The following CCSER1 variants were observed in gnomAD, a reference collection of about 807,000 sequenced individuals.
The protein encoded by CCSER1 is coiled-coil serine rich protein 1.
CCSER1 carries 41 observed loss-of-function variants against 82.0 expected under a neutral mutation model. The observed-to-expected ratio is 0.50, with a 90% CI of 0.39 to 0.65. The LOEUF (loss-of-function observed/expected upper bound fraction) is 0.65, where lower values mean the gene tolerates loss of function less well. CCSER1 is among the 30% of genes least tolerant of loss of function. The pLI is 0.00. For missense variants in CCSER1, 1,119 were observed against 1,064.2 expected, an observed-to-expected ratio of 1.05 and a Z score of -0.72; for synonymous variants, 414 against 383.9, an observed-to-expected ratio of 1.08 and a Z score of -0.92.
chr4:91,019,495 A>G (rs1174067138), intron 9 of CCSER1, among the ~76,000 whole-genome samples: 1 of 152,174 alleles, frequency 6.6e-6, no homozygotes, highest in African/African-American at 2.4e-5. Flanking sequence ...GAGCATAGTA[A>G]ACAACATTAT....
chr4:91,102,186 C>G (rs1361522636), intron 10 of CCSER1, among the ~76,000 whole-genome samples: 1 of 152,046 alleles, frequency 6.6e-6, no homozygotes, highest in East Asian at 1.9e-4. Context: ...TTGAACAAAG[C>G]TAGGTATGTT....
intron 3 of CCSER1, among the ~76,000 whole-genome samples, chr4:90,322,086 T>C (rs1737242137): frequency 6.6e-6 from 1 of 152,114 alleles, no homozygotes; most frequent in African/African-American, 2.4e-5. Context: ...GTTTCCCTAA[T>C]GTTTTCTTCC....
chr4:90,436,482 CA>C (rs1469273926), intron 4 of CCSER1, among the ~76,000 whole-genome samples: 1 of 152,104 alleles, frequency 6.6e-6, no homozygotes, highest in Non-Finnish European at 1.5e-5. Context: ...GCTTGTATTT[CA>C]AACCTCAAAG....
intron 5 of CCSER1, among the ~76,000 whole-genome samples, chr4:90,585,909 A>G (rs986167714): frequency 6.6e-6 from 1 of 152,210 alleles, no homozygotes; most frequent in African/African-American, 2.4e-5. Flanking sequence ...TCGCATTTGT[A>G]TCTCATAGTA....
intron 1 of CCSER1, among the ~76,000 whole-genome samples, chr4:90,282,090 T>C (rs1313478912): frequency 6.6e-6 from 1 of 152,022 alleles, no homozygotes; most frequent in Non-Finnish European, 1.5e-5. Context: ...ATGTCTGCAA[T>C]TTTGGAGAAC....
chr4:90,533,121 T>A (rs1774819020), intron 5 of CCSER1, among the ~76,000 whole-genome samples: 1 of 130,102 alleles, frequency 7.7e-6, no homozygotes, highest in South Asian at 2.7e-4. Context: ...AGACGGAGTC[T>A]CCCTCTGTCG....
chr4:90,241,650 A>AT (rs571615416), intron 1 of CCSER1, among the ~76,000 whole-genome samples: 42 of 151,360 alleles, frequency 2.8e-4, no homozygotes, highest in Middle Eastern at 3.4e-3. Context: ...TTAGGGTGTT[A>AT]TTTTTTTTTC....
chr4:91,234,722 T>G lies in CCSER1; in HGVS notation c.2217+148728T>G, dbSNP rs144878189. Among the ~76,000 whole-genome samples the G allele has an allele frequency of 6.8e-4, 103 of 152,274 alleles. 3 individuals are homozygous for G. The East Asian group carries it at 0.018, about 27-fold the overall frequency. On this transcript the variant is annotated intron_variant, in intron 10 of 10. Transcript: ENST00000509176. ...TCACTTTGAGTAAATCTAATCTTTC[T>G]TCTACTATTCTTTCTTCAAATTTGT...
chr4:91,188,520 C>G (rs764889475), intron 10 of CCSER1, among the ~76,000 whole-genome samples: 2 of 152,170 alleles, frequency 1.3e-5, no homozygotes, highest in Non-Finnish European at 2.9e-5. Flanking sequence ...TACACATTTT[C>G]AGGAATAGCT....
rs12507399 is a variant in CCSER1 at position 91,359,698 on chromosome 4, G to A, written c.2218-238874G>A. 6.4e-3 allele frequency among the ~76,000 whole-genome samples: 971 copies of A among 151,598 alleles called. 16 individuals carry two copies. The highest frequency in any genetic ancestry group is 0.023 in the African/African-American group (932 of 41,392). On this transcript the variant is annotated intron_variant, in intron 10 of 10. Coordinates refer to ENST00000509176, the MANE Select transcript of CCSER1 (RefSeq NM_001145065.2). ...TTGAAAAAGGGCTAAGCAATCTTGC[G>A]TTGCTGTAGTGAAACAAAGGCAAAC...
intron 1 of CCSER1, among the ~76,000 whole-genome samples, chr4:90,194,241 T>C (rs1256099063): frequency 1.3e-5 from 2 of 152,088 alleles, no homozygotes; most frequent in African/African-American, 4.8e-5. Flanking sequence ...ACATAAGCCT[T>C]GATTTTTTAT....
intron 10 of CCSER1, among the ~76,000 whole-genome samples, chr4:91,392,363 G>GCACA (rs142343973): frequency 0.011 from 1,575 of 148,196 alleles, 21 homozygotes; most frequent in African/African-American, 0.037. Context: ...ACCTACACAT[G>GCACA]CACACACACA....
intron 9 of CCSER1, among the ~76,000 whole-genome samples, chr4:91,081,350 T>G (rs568465764): frequency 6.6e-6 from 1 of 151,808 alleles, no homozygotes; most frequent in African/African-American, 2.4e-5. Context: ...CTTCGATGAA[T>G]AAAATTCAAC....
At chr4:90,369,225 G>A (rs9307084) in intron 3 of CCSER1, among the ~76,000 whole-genome samples, 27,497 of 106,854 alleles carry the variant, frequency 0.26, 4,095 homozygotes, top group African/African-American at 0.34. Context: ...GAAAGAAAGG[G>A]GGAGGAAAAG....
intron 5 of CCSER1, among the ~76,000 whole-genome samples, chr4:90,565,872 T>A (rs2153650719): frequency 6.6e-6 from 1 of 151,912 alleles, no homozygotes; most frequent in African/African-American, 2.4e-5. Context: ...TGATTTTTTT[T>A]TTTTTTTTGA....
At chr4:91,466,117 A>G (rs974993753) in intron 10 of CCSER1, among the ~76,000 whole-genome samples, 5 of 152,202 alleles carry the variant, frequency 3.3e-5, no homozygotes, top group African/African-American at 1.2e-4. Context: ...AAATACTGGC[A>G]AACTGAATCA....
chr4:90,227,904 G>A (rs1006663569), intron 1 of CCSER1, among the ~76,000 whole-genome samples: 7 of 152,330 alleles, frequency 4.6e-5, no homozygotes, highest in South Asian at 4.1e-4. Context: ...CGAATACAGC[G>A]CTTTTCCGAC....
At chr4:91,445,575 T>C (rs952497257) in intron 10 of CCSER1, among the ~76,000 whole-genome samples, 20 of 152,084 alleles carry the variant, frequency 1.3e-4, no homozygotes, top group African/African-American at 4.8e-4. Context: ...TACTGATGTA[T>C]TCGTTATCAT....
chr4:91,392,588 T>C (rs1209080822), intron 10 of CCSER1, among the ~76,000 whole-genome samples: 1 of 152,076 alleles, frequency 6.6e-6, no homozygotes, highest in Non-Finnish European at 1.5e-5. Flanking sequence ...TGATAATAAT[T>C]GTATACTGGT....
Sources: gnomAD v4.1 joint callset for allele counts (sites outside exome capture counted in the v4.1 genomes callset) on GRCh38, gnomAD v4.1.1 for gene constraint, MANE v1.5 for transcripts, NCBI Gene and HGNC (gene_info 2026-07-23, HGNC 2026-07-21) for gene names.